BCAS3: variants seen among roughly 807,000 people sequenced by gnomAD.
BCAS3 encodes the protein BCAS4/BCAS3 fusion.
Under a neutral mutation model 116.1 loss-of-function variants are expected in BCAS3, and 53 were observed. The ratio of observed to expected loss-of-function variants is 0.46; its 90% CI spans 0.37 to 0.57. The LOEUF is 0.57. BCAS3 is among the 20% of genes least tolerant of loss of function. The pLI is 0.00. For synonymous variants in BCAS3, 391 were observed against 408.2 expected (o/e 0.96, Z 0.51); for missense variants, 917 against 1,165.4 (o/e 0.79, Z 3.10).
Position 61,387,103 on chromosome 17 carries a change from C to T in BCAS3, c.2594-4874C>T, listed in dbSNP as rs1301543945. On this transcript the variant is annotated intron_variant, in intron 23 of 23. Transcript: ENST00000407086. This position sits in a 1 kb window ranked among gnomAD's most constrained non-coding sequence, Gnocchi z 6.2. ...TCACCTCCGACCTACTGCTGGGGCC[C>T]CTGGTTTGGCCTCTCCAGCTTTCCC... Among the ~76,000 whole-genome samples the T allele has an allele frequency of 6.6e-6, 1 of 152,162 alleles. No individual in the cohort carries two copies. The highest frequency in any genetic ancestry group is 1.5e-5 in the Non-Finnish European group (1 of 68,026).
Position 61,017,830 on chromosome 17 carries a change from T to C in BCAS3, c.1637+1929T>C, listed in dbSNP as rs1053177599. 6.6e-6 allele frequency among the ~76,000 whole-genome samples: 1 copy of C among 152,154 alleles called. No homozygotes were observed. Among genetic ancestry groups the C allele is most frequent in the African/African-American group, 2.4e-5 (1 of 41,442 alleles). On this transcript the variant is annotated intron_variant, in intron 16 of 23. Coordinates refer to ENST00000407086, the MANE Select transcript of BCAS3 (RefSeq NM_017679.5). The surrounding 1 kb of genome is among the most constrained non-coding windows in gnomAD (Gnocchi z 4.7). ...CTCTCTCTCCCTCTTACAACCCGAT[T>C]TCTCTCTACACTGAGATGAATAGAA...
chr17:60,908,354 G>A (rs1040269914), intron 11 of BCAS3, among the ~76,000 whole-genome samples: 4 of 151,910 alleles, frequency 2.6e-5, no homozygotes, highest in African/African-American at 9.7e-5. Context: ...CTTTTCATTG[G>A]TATAAGAGCA....
intron 13 of BCAS3, among the ~76,000 whole-genome samples, chr17:60,944,025 AAAG>A (rs1430417303): frequency 1.3e-5 from 2 of 152,092 alleles, no homozygotes; most frequent in Non-Finnish European, 1.5e-5. Flanking sequence ...TTACTCCAGA[AAAG>A]AAGAAAGTTC....
rs767683159 is a variant in BCAS3, at chr17:61,265,318, C to T, written c.2426-103009C>T. Among the ~76,000 whole-genome samples the T allele has an allele frequency of 1.3e-5, 2 of 151,720 alleles. No individual in the cohort carries two copies. The highest frequency in any genetic ancestry group is 4.2e-4 in the South Asian group (2 of 4,802). On this transcript the variant is annotated intron_variant, in intron 22 of 23. Transcript: ENST00000407086. This position sits in a 1 kb window ranked among gnomAD's most constrained non-coding sequence, Gnocchi z 4.3. ...TCCCGGGAGGTTGAGGCAGGAGAAT[C>T]GTTCGAACCCGAGAGGCAGAGGTTG...
At chr17:60,890,213 G>A (rs2057042502) in intron 10 of BCAS3, among the ~76,000 whole-genome samples, 1 of 152,200 alleles carries the variant, frequency 6.6e-6, no homozygotes, top group African/African-American at 2.4e-5. Flanking sequence ...CAGCACTTTG[G>A]GAGGCTGAGG....
chr17:61,290,920 A>G (rs576984386), intron 22 of BCAS3, among the ~76,000 whole-genome samples: 34 of 152,222 alleles, frequency 2.2e-4, no homozygotes, highest in Middle Eastern at 3.4e-3. Context: ...AGCTGGGACT[A>G]CAGGTGCCTG....
rs529770034 is a variant in BCAS3 at position 61,034,644 on chromosome 17, T to C, written c.1638-22T>C. 1.1e-5 allele frequency: 18 copies of C among 1,580,500 alleles called. No homozygotes were observed. Among genetic ancestry groups the C allele is most frequent in the Middle Eastern group, 1.7e-4 (1 of 5,948 alleles). On this transcript the variant is annotated intron_variant, in intron 16 of 23. Coordinates refer to ENST00000407086, the MANE Select transcript of BCAS3 (RefSeq NM_017679.5). This position sits in a 1 kb window ranked among gnomAD's most constrained non-coding sequence, Gnocchi z 5.0. The stretch of plus-strand genomic sequence containing the variant: ...TCATTTCATCATGATAATTGTTTTT[T>C]ACTCTTATTTTATTTTTTAAGCAAA...
intron 3 of BCAS3, among the ~76,000 whole-genome samples, chr17:60,687,060 A>G (rs183747804): frequency 5.3e-5 from 8 of 152,354 alleles, no homozygotes; most frequent in Non-Finnish European, 1.2e-4. Flanking sequence ...AAGACAACAT[A>G]CAGAATGACA....
At chr17:60,753,762 CT>C (rs2042727011) in intron 6 of BCAS3, among the ~76,000 whole-genome samples, 1 of 152,128 alleles carries the variant, frequency 6.6e-6, no homozygotes, top group Non-Finnish European at 1.5e-5. Flanking sequence ...GGAAGTAGTT[CT>C]TCCTTGCCAG....
chr17:60,936,831 T>C (rs1486209079), intron 13 of BCAS3, among the ~76,000 whole-genome samples: 1 of 152,232 alleles, frequency 6.6e-6, no homozygotes, highest in Non-Finnish European at 1.5e-5. Context: ...CTGATGGTAG[T>C]TTCTTTTGCT....
intron 19 of BCAS3, among the ~76,000 whole-genome samples, chr17:61,072,676 C>CA (rs75914013): frequency 0.037 from 3,760 of 102,266 alleles, 78 homozygotes; most frequent in East Asian, 0.079. Flanking sequence ...GCTTTATTAC[C>CA]AAAAAAAAAA....
At position 60,721,351 on chromosome 17, in the gene BCAS3, T is replaced by C. The variant is rs184298372; in HGVS notation, c.321+12026T>C. 1.7e-3 allele frequency among the ~76,000 whole-genome samples: 261 copies of C among 152,288 alleles called. 1 individual carries two copies. The highest frequency in any genetic ancestry group is 6.0e-3 in the African/African-American group (248 of 41,574). On this transcript the variant is annotated intron_variant, in intron 5 of 23. Transcript: ENST00000407086. ...AGACTGTAGATACAGTGGGAGGACA[T>C]TGGTTGTTATGGATGAATAAAAGCA...
chr17:61,305,683 G>A (rs1400950600), intron 22 of BCAS3, among the ~76,000 whole-genome samples: 2 of 152,106 alleles, frequency 1.3e-5, no homozygotes, highest in Non-Finnish European at 2.9e-5. Flanking sequence ...ATCACCTGAG[G>A]TCAGGAGTTT....
At position 60,945,700 on chromosome 17, in the gene BCAS3, T is replaced by C. The variant is rs191710968; in HGVS notation, c.1088-1519T>C. Among the ~76,000 whole-genome samples, 145 of 147,536 alleles carry C rather than the reference T, an allele frequency of 9.8e-4. 1 individual carries two copies. Among genetic ancestry groups the C allele is most frequent in the Admixed American group, 9.7e-3 (143 of 14,760 alleles). On this transcript the variant is annotated intron_variant, in intron 13 of 23. Transcript: ENST00000407086. ...CCTGTAGTCCCAGCTACTTGGGAGA[T>C]TGAGGCATGAGAATCTGTTGAACCC... is the stretch of plus-strand genomic sequence containing the variant.
chr17:60,705,282 A>T (rs749350629), intron 4 of BCAS3, among the ~76,000 whole-genome samples: 5 of 152,062 alleles, frequency 3.3e-5, no homozygotes, highest in Admixed American at 6.6e-5. Context: ...ACTTTGGGAG[A>T]CCCAGGACGG....
chr17:61,297,104 C>T (rs1315402247), intron 22 of BCAS3, among the ~76,000 whole-genome samples: 1 of 152,118 alleles, frequency 6.6e-6, no homozygotes. Flanking sequence ...TGAATGCCTT[C>T]CGTAAGGTAG....
rs1169435442 is a variant in BCAS3, at chr17:61,376,343, C to T, written c.2593+7849C>T. On this transcript the variant is annotated intron_variant, in intron 23 of 23. Transcript: ENST00000407086. This position sits in a 1 kb window ranked among gnomAD's most constrained non-coding sequence, Gnocchi z 4.5. ...CTGCCTTCACAGGGCCATCGTGGCT[C>T]ATAGCCCCATAGGTCACATTCCCTG... Among the ~76,000 whole-genome samples the T allele has an allele frequency of 6.6e-6, 1 of 152,170 alleles. No homozygotes were observed. Among genetic ancestry groups the T allele is most frequent in the Non-Finnish European group, 1.5e-5 (1 of 68,016 alleles).
intron 6 of BCAS3, among the ~76,000 whole-genome samples, chr17:60,762,972 G>T (rs1323123584): frequency 2.0e-5 from 3 of 152,122 alleles, no homozygotes; most frequent in Non-Finnish European, 1.5e-5. Context: ...TTGTGAATGG[G>T]AGTTCACTCA....
At chr17:60,720,481 G>C (rs2039116526) in intron 5 of BCAS3, 1 of 152,092 alleles carries the variant, frequency 6.6e-6, no homozygotes, top group Non-Finnish European at 1.5e-5. Flanking sequence ...AAAAAATGGA[G>C]AATATATTTA....
Sources: allele counts gnomAD v4.1 joint callset (sites outside exome capture counted in the v4.1 genomes callset), GRCh38; gene constraint gnomAD v4.1.1; non-coding constraint Gnocchi (gnomAD v3.1); transcripts MANE v1.5; gene names NCBI Gene and HGNC (gene_info 2026-07-23, HGNC 2026-07-21).